CTIF: variants seen among roughly 807,000 people sequenced by gnomAD.
CTIF encodes the protein CBP80/20-dependent translation initiation factor.
Under a neutral mutation model 66.0 loss-of-function variants are expected in CTIF, and 21 were observed. That is an observed-to-expected ratio of 0.32 (90% confidence interval 0.23 to 0.46). CTIF has a LOEUF of 0.46. Ranked by LOEUF, CTIF falls within the 20% of genes least tolerant of loss-of-function variation. The pLI, the probability that CTIF is intolerant of heterozygous loss-of-function variation, is 1.00. For synonymous variants in CTIF, 345 were observed against 326.4 expected (o/e 1.06, Z -0.62); for missense variants, 739 against 812.7 (o/e 0.91, Z 1.10).
intron 1 of CTIF, among the ~76,000 whole-genome samples, chr18:48,542,962 TGCTGTGACTCAGGGACAG>T (rs926997290): frequency 6.6e-6 from 1 of 152,198 alleles, no homozygotes; most frequent in African/African-American, 2.4e-5. Context: ...AGCTCAGATG[TGCTGTGACTCAGGGACAG>T]GCTGTGGCTT....
At chr18:48,625,714 G>T (rs1389049963) in intron 2 of CTIF, among the ~76,000 whole-genome samples, 1 of 152,166 alleles carries the variant, frequency 6.6e-6, no homozygotes, top group African/African-American at 2.4e-5. Flanking sequence ...TTTAGTGGCT[G>T]CCCAGTTGTC....
At chr18:48,587,349 G>A (rs2143908229) in intron 1 of CTIF, among the ~76,000 whole-genome samples, 1 of 152,140 alleles carries the variant, frequency 6.6e-6, no homozygotes, top group East Asian at 1.9e-4. Context: ...CAGAGTGCTG[G>A]GATTACAGGC....
At chr18:48,602,404 T>G (rs1262092363) in intron 1 of CTIF, among the ~76,000 whole-genome samples, 1 of 152,170 alleles carries the variant, frequency 6.6e-6, no homozygotes, top group Non-Finnish European at 1.5e-5. Flanking sequence ...GATGAAACAG[T>G]CTCAGAGCCA....
chr18:48,776,119 C>T (rs887827113), intron 9 of CTIF, among the ~76,000 whole-genome samples: 1 of 152,234 alleles, frequency 6.6e-6, no homozygotes, highest in African/African-American at 2.4e-5. Context: ...GCCTCTGAAC[C>T]CTGGGGTTTT....
intron 9 of CTIF, among the ~76,000 whole-genome samples, chr18:48,790,773 G>A (rs1029245353): frequency 7.2e-5 from 11 of 152,290 alleles, no homozygotes; most frequent in Non-Finnish European, 1.3e-4. Flanking sequence ...CTGGAGCCAC[G>A]GGCGCCTGCA....
chr18:48,707,432 C>T (rs567162248), intron 6 of CTIF, among the ~76,000 whole-genome samples: 3 of 152,316 alleles, frequency 2.0e-5, no homozygotes, highest in African/African-American at 4.8e-5. Context: ...CCTTTTCCAG[C>T]CGCATCTTAA....
intron 9 of CTIF, 48 bp from the exon 10 acceptor site, chr18:48,817,173 C>A: frequency 6.3e-7 from 1 of 1,579,838 alleles, no homozygotes; most frequent in South Asian, 1.2e-5. Flanking sequence ...GGCACCCAGG[C>A]CCCTCCCCAG....
intron 1 of CTIF, among the ~76,000 whole-genome samples, chr18:48,616,940 C>T (rs2144370685): frequency 6.6e-6 from 1 of 152,300 alleles, no homozygotes; most frequent in East Asian, 1.9e-4. Flanking sequence ...TCTATTGCTT[C>T]CTAAAAGTTT....
Position 48,863,029 on chromosome 18 carries a change from C to T in CTIF, c.*3470C>T, listed in dbSNP as rs547543852. 7 of 152,416 alleles carry T rather than the reference C, an allele frequency of 4.6e-5. 1 individual carries two copies. Among genetic ancestry groups the T allele is most frequent in the South Asian group, 2.1e-4 (1 of 4,830 alleles). 9.4% of individuals were successfully genotyped at this position (152,416 alleles called of 1,614,324 possible). A position where few individuals can be genotyped will look rare whatever the true frequency, so the allele number is the denominator to read the frequency against. ...ACACTCACACGGAAGGGCTGGCCGCCTCCCTGAGCCGGCTGGGAGTGGACG... is the reference window on the plus strand; with the variant it reads ...ACACTCACACGGAAGGGCTGGCCGCTTCCCTGAGCCGGCTGGGAGTGGACG... On this transcript the variant is annotated 3_prime_UTR_variant, in exon 12 of 12. Transcript: ENST00000256413.
chr18:48,697,248 G>T (rs9955996), intron 6 of CTIF, among the ~76,000 whole-genome samples: 2 of 152,204 alleles, frequency 1.3e-5, no homozygotes, highest in African/African-American at 4.8e-5. Context: ...ACACTGTGGG[G>T]CCTACAGAAG....
chr18:48,640,248 C>A (rs2090902583), intron 3 of CTIF, among the ~76,000 whole-genome samples: 1 of 152,262 alleles, frequency 6.6e-6, no homozygotes, highest in Admixed American at 6.5e-5. Flanking sequence ...GGCAGACACC[C>A]TCACACTGAC....
intron 2 of CTIF, among the ~76,000 whole-genome samples, chr18:48,626,064 C>T (rs368597032): frequency 8.6e-5 from 12 of 139,352 alleles, no homozygotes; most frequent in African/African-American, 1.6e-4. Flanking sequence ...TGTAGTGGCG[C>T]GATCTCAGCT....
chr18:48,683,282 A>G lies in CTIF; in HGVS notation c.507+12538A>G, dbSNP rs936518602. 4 of 151,754 alleles carry G rather than the reference A, an allele frequency of 2.6e-5. No homozygotes were observed. In the East Asian group the frequency reaches 6.0e-4, roughly 23 times the overall value. The allele number at this position is 151,754 out of a possible 1,614,324, so 9.4% of individuals were successfully genotyped here. On this transcript the variant is annotated intron_variant, in intron 6 of 11. Coordinates refer to ENST00000256413, the MANE Select transcript of CTIF (RefSeq NM_014772.3). ...GCTAAACACGCCCTGGAAAGGCTAC[A>G]TACTGTGGTTGTGTCCAGAAAACAA...
At chr18:48,739,216 G>A (rs559180988) in intron 7 of CTIF, among the ~76,000 whole-genome samples, 9 of 152,308 alleles carry the variant, frequency 5.9e-5, no homozygotes, top group South Asian at 2.1e-4. Context: ...CCCGGCATAG[G>A]AGCCTTCAGG....
chr18:48,675,950 T>C (rs2091621879), intron 6 of CTIF, among the ~76,000 whole-genome samples: 2 of 152,184 alleles, frequency 1.3e-5, no homozygotes, highest in African/African-American at 4.8e-5. Flanking sequence ...TTGACCAAGT[T>C]CCATGTGAAG....
In CTIF at chr18:48,770,452, C is replaced by T. The variant is rs113434186; in HGVS notation, c.1371+8763C>T. The stretch of plus-strand genomic sequence containing the variant: ...AGTCTCATGGGCAGTCTACTGCAGG[C>T]CTTGTCAGAGACTCTAGATGTGCAG... On this transcript the variant is annotated intron_variant, in intron 9 of 11. Coordinates refer to ENST00000256413, the MANE Select transcript of CTIF (RefSeq NM_014772.3). Among the ~76,000 whole-genome samples the T allele has an allele frequency of 7.7e-3, 1,177 of 152,394 alleles. 12 individuals are homozygous for T. The highest frequency in any genetic ancestry group is 0.024 in the Middle Eastern group (7 of 294).
In CTIF at chr18:48,772,697, T is replaced by C. The variant is rs144021513; in HGVS notation, c.1371+11008T>C. 9.2e-5 allele frequency among the ~76,000 whole-genome samples: 14 copies of C among 152,382 alleles called. 1 individual carries two copies. In the East Asian group the frequency reaches 2.1e-3, roughly 23 times the overall value. Reference sequence around the variant, plus strand: ...TTTTCATGGCTGACTAATATTCCATTTTATGTCTATACCACATTTTGTTTA... The same window carrying C: ...TTTTCATGGCTGACTAATATTCCATCTTATGTCTATACCACATTTTGTTTA... On this transcript the variant is annotated intron_variant, in intron 9 of 11. Transcript: ENST00000256413.
intron 7 of CTIF, among the ~76,000 whole-genome samples, chr18:48,735,298 G>A (rs1186244597): frequency 2.6e-5 from 4 of 152,166 alleles, no homozygotes; most frequent in African/African-American, 4.8e-5. Flanking sequence ...AGGCCCAGAG[G>A]TAGGAGCAGA....
chr18:48,546,081 C>A (rs192979512), intron 1 of CTIF, among the ~76,000 whole-genome samples: 1 of 152,150 alleles, frequency 6.6e-6, no homozygotes, highest in East Asian at 1.9e-4. Flanking sequence ...AGCCCTGGAA[C>A]CTGCTTCCAG....
Sources: gnomAD v4.1 joint callset for allele counts (sites outside exome capture counted in the v4.1 genomes callset) on GRCh38, gnomAD v4.1.1 for gene constraint, MANE v1.5 for transcripts, NCBI Gene and HGNC (gene_info 2026-07-23, HGNC 2026-07-21) for gene names.